Variants in UTP20 observed in about 807,000 individuals in gnomAD.
UTP20 encodes small subunit processome component 20 homolog.
A neutral mutation model predicts 329.5 loss-of-function variants in UTP20; 164 were observed. The ratio of observed to expected loss-of-function variants is 0.50; its 90% CI spans 0.44 to 0.57. The LOEUF (loss-of-function observed/expected upper bound fraction) is 0.57, where lower values mean the gene tolerates loss of function less well. Ranked by LOEUF, UTP20 falls within the 20% of genes least tolerant of loss-of-function variation. The pLI, the probability that UTP20 is intolerant of heterozygous loss-of-function variation, is 0.00. For missense variants in UTP20, 3,055 were observed against 3,284.2 expected (o/e 0.93, Z 1.71); for synonymous variants, 1,151 against 1,159.3 (o/e 0.99, Z 0.14).
In UTP20 at chr12:101,342,692, A is replaced by G. The variant is rs1869181246; in HGVS notation, c.4246-95A>G. On this transcript the variant is annotated intron_variant, in intron 33 of 61. Coordinates refer to ENST00000261637, the MANE Select transcript of UTP20 (RefSeq NM_014503.3). Reference sequence around the variant, plus strand: ...TTCTTCATGCCAGGGTGATGTTTTTATATGAATTTGAATGGGGACAGGTAG... The same window carrying G: ...TTCTTCATGCCAGGGTGATGTTTTTGTATGAATTTGAATGGGGACAGGTAG... 11 of 1,532,600 alleles carry G rather than the reference A, an allele frequency of 7.2e-6. No homozygotes were observed. The South Asian group carries it at 1.2e-4, about 17-fold the overall frequency. 94.9% of individuals were successfully genotyped at this position (1,532,600 alleles called of 1,614,324 possible). A position where few individuals can be genotyped will look rare whatever the true frequency, so the allele number is the denominator to read the frequency against.
intron 14 of UTP20, among the ~76,000 whole-genome samples, chr12:101,300,277 A>G (rs539550501): frequency 6.6e-6 from 1 of 152,292 alleles, no homozygotes; most frequent in East Asian, 1.9e-4. Flanking sequence ...AAGGAAGGGG[A>G]CATATCAAAA....
chr12:101,371,596 C>T lies in UTP20; in HGVS notation c.6798+428C>T, dbSNP rs142086198. Among the ~76,000 whole-genome samples the T allele has an allele frequency of 2.1e-3, 280 of 135,722 alleles. 4 individuals are homozygous for T. The East Asian group carries it at 0.049, about 24-fold the overall frequency. 89.0% of individuals were successfully genotyped at this position (135,722 alleles called of 152,430 possible). On this transcript the variant is annotated intron_variant, in intron 51 of 61. Transcript: ENST00000261637. ...ACCAGGCTGGAGTGGTGCAGTGGCG[C>T]GATCTCGGCTCACTGCCACCTCCAC... is the stretch of plus-strand genomic sequence containing the variant.
chr12:101,290,786 A>T lies in UTP20; in HGVS notation c.789A>T (p.Gln263His), dbSNP rs1258645092. ...KLGPVTETET[Q>H]LPWMLIGETL... ...GACCAGTCACTGAAACAGAAACTCAACTACCATGGATGTTAATTGGAGAAA... is the reference window on the plus strand; with the variant it reads ...GACCAGTCACTGAAACAGAAACTCATCTACCATGGATGTTAATTGGAGAAA... The change falls in exon 8 of 62, where the codon CAA (glutamine) becomes CAT (histidine). Residue 263 changes from glutamine (Q) to histidine (H), a missense_variant. This residue lies in a region of UTP20 where 2,445 missense variants were observed against 2,575.5 expected (regional missense o/e 0.95). Coordinates refer to ENST00000261637, the MANE Select transcript of UTP20 (RefSeq NM_014503.3). 4.3e-6 allele frequency: 7 copies of T among 1,613,826 alleles called. No individual in the cohort carries two copies. The highest frequency in any genetic ancestry group is 2.7e-5 in the African/African-American group (2 of 74,938).
intron 21 of UTP20, among the ~76,000 whole-genome samples, chr12:101,315,225 C>T (rs1872935312): frequency 6.6e-6 from 1 of 152,098 alleles, no homozygotes. Context: ...GTGGCTCACA[C>T]CTGTAATCCC....
chr12:101,312,819 C>T (rs1245266357), intron 21 of UTP20, among the ~76,000 whole-genome samples: 2 of 152,224 alleles, frequency 1.3e-5, no homozygotes, highest in African/African-American at 4.8e-5. Context: ...CAGATAACAA[C>T]TAAACTAGTT....
chr12:101,376,406 T>C (rs1257637956), intron 56 of UTP20, among the ~76,000 whole-genome samples: 2 of 152,200 alleles, frequency 1.3e-5, no homozygotes, highest in South Asian at 4.1e-4. Flanking sequence ...TTGAACTTCA[T>C]AACAGTATAC....
At chr12:101,317,366 C>G (rs761569625) in intron 21 of UTP20, 112 bp from the exon 22 acceptor site, 1 of 1,176,740 alleles carries the variant, frequency 8.5e-7, no homozygotes, top group Non-Finnish European at 1.2e-6. Context: ...ACCACTATGT[C>G]TCTTCAGTGT....
chr12:101,308,173 C>A lies in UTP20; in HGVS notation c.1996-12C>A. 1 of 1,586,146 alleles carries A rather than the reference C, an allele frequency of 6.3e-7. No individual in the cohort carries two copies. The highest frequency in any genetic ancestry group is 8.6e-7 in the Non-Finnish European group (1 of 1,168,526). On this transcript the variant is annotated splice_polypyrimidine_tract_variant and intron_variant, in intron 17 of 61. Coordinates refer to ENST00000261637, the MANE Select transcript of UTP20 (RefSeq NM_014503.3). ...TGACTGGTCTTCTCCATGGTTTTCT[C>A]TGGTTATTCAGGATGATGGGCTCTC...
At chr12:101,342,757 T>C (rs754287568) in intron 33 of UTP20, 30 bp from the exon 34 acceptor site, 4 of 1,603,018 alleles carry the variant, frequency 2.5e-6, no homozygotes, top group African/African-American at 1.3e-5. Context: ...TTTTATTCAC[T>C]GATAAATACA....
At chr12:101,319,990 C>G (rs552272474) in intron 23 of UTP20, among the ~76,000 whole-genome samples, 1 of 152,134 alleles carries the variant, frequency 6.6e-6, no homozygotes, top group East Asian at 1.9e-4. Flanking sequence ...AGTCAGACTT[C>G]ATAGAGGACT....
chr12:101,283,768 T>C (rs1871871467), intron 2 of UTP20, among the ~76,000 whole-genome samples: 1 of 152,244 alleles, frequency 6.6e-6, no homozygotes, highest in African/African-American at 2.4e-5. Context: ...TAGGCTAGTC[T>C]CAAACTCCTG....
Position 101,293,379 on chromosome 12 carries a change from G to GT in UTP20, c.1251+140dup, listed in dbSNP as rs879223465. On this transcript the variant is annotated intron_variant, in intron 11 of 61. Coordinates refer to ENST00000261637, the MANE Select transcript of UTP20 (RefSeq NM_014503.3). ...AAGTGCTTGATGTTTTAGTCAATAT[G>GT]TTTTTTAAAGAAATTATATTCAATT... The GT allele has an allele frequency of 2.3e-5, 17 of 724,662 alleles. No homozygotes were observed. In the South Asian group the frequency reaches 2.9e-4, roughly 13 times the overall value. The allele number at this position is 724,662 out of a possible 1,614,324, so 44.9% of individuals were successfully genotyped here. A position where few individuals can be genotyped will look rare whatever the true frequency, so the allele number is the denominator to read the frequency against.
Position 101,365,643 on chromosome 12 carries a change from C to A in UTP20, c.6125+18C>A, listed in dbSNP as rs1870073047. 5.8e-6 allele frequency: 9 copies of A among 1,543,552 alleles called. No individual in the cohort carries two copies. The highest frequency in any genetic ancestry group is 5.6e-5 in the African/African-American group (4 of 71,238). On this transcript the variant is annotated intron_variant, in intron 46 of 61. Transcript: ENST00000261637. ...AAAGAAAAGTAAGTTGGAAAAAAAA[C>A]AAACTGTCATTTAGGTCTCTGCGTC... is the stretch of plus-strand genomic sequence containing the variant.
intron 5 of UTP20, among the ~76,000 whole-genome samples, chr12:101,288,426 G>C (rs1028129152): frequency 2.6e-5 from 4 of 152,182 alleles, no homozygotes; most frequent in African/African-American, 9.7e-5. Context: ...ATTATCTGTA[G>C]AATGGGAGGA....
In UTP20 at chr12:101,333,321, T is replaced by C; in HGVS notation, c.3438T>C (p.Asn1146=). The C allele has an allele frequency of 1.2e-6, 2 of 1,613,754 alleles. No homozygotes were observed. Among genetic ancestry groups the C allele is most frequent in the Non-Finnish European group, 1.7e-6 (2 of 1,179,828 alleles). The change falls in exon 28 of 62, where the codon AAT becomes AAC. Residue 1146 remains asparagine (N), a synonymous_variant. Coordinates refer to ENST00000261637, the MANE Select transcript of UTP20 (RefSeq NM_014503.3). ...TACAGATACAGCTGAGATTTATTAA[T>C]CCATTGAAAAATTTAAGACGTCTTG... ...QREKIQLRFI[N]PLKNLRRLGI...
Position 101,342,990 on chromosome 12 carries a change from G to A in UTP20, c.4346G>A (p.Arg1449His), listed in dbSNP as rs1383187013. The change falls in exon 35 of 62, where the codon CGC (arginine) becomes CAC (histidine). Residue 1449 changes from arginine (R) to histidine (H), a missense_variant. Around this residue, in one of 3 missense-constraint regions of UTP20, gnomAD observed 2,445 missense variants for 2,575.5 expected, o/e 0.95. Coordinates refer to ENST00000261637, the MANE Select transcript of UTP20 (RefSeq NM_014503.3). ...CTTGATGATATCAACTTCGACGTTCGCTTTGAGACTTTCCAGACCATCACC... is the reference window on the plus strand; with the variant it reads ...CTTGATGATATCAACTTCGACGTTCACTTTGAGACTTTCCAGACCATCACC... ...RHLDDINFDV[R>H]FETFQTITSY... The A allele has an allele frequency of 5.6e-6, 9 of 1,613,608 alleles. No individual in the cohort carries two copies. Among genetic ancestry groups the A allele is most frequent in the East Asian group, 2.2e-5 (1 of 44,872 alleles).
At position 101,288,807 on chromosome 12, in the gene UTP20, G is replaced by C. The variant is rs1479556959; in HGVS notation, c.516-153G>C. Among the ~76,000 whole-genome samples the C allele has an allele frequency of 2.0e-5, 3 of 152,176 alleles. No homozygotes were observed. In the East Asian group the frequency reaches 5.8e-4, roughly 29 times the overall value. The stretch of plus-strand genomic sequence containing the variant: ...CAAGTCTTCCTTTCAACATGTGGGT[G>C]TCTCCATAAATGAATGAGATTTTAA... On this transcript the variant is annotated intron_variant, in intron 5 of 61. Transcript: ENST00000261637.
chr12:101,317,329 G>A, intron 21 of UTP20, 149 bp from the exon 22 acceptor site: 1 of 769,882 alleles, frequency 1.3e-6, no homozygotes, highest in South Asian at 2.2e-5. Context: ...TTAGGAAAGA[G>A]TAATATTGTG....
intron 10 of UTP20, among the ~76,000 whole-genome samples, chr12:101,292,921 T>G (rs1872214137): frequency 1.3e-5 from 2 of 152,246 alleles, no homozygotes. Context: ...AGGGAAGATA[T>G]ACAATCATGC....
Sources: allele counts gnomAD v4.1 joint callset (sites outside exome capture counted in the v4.1 genomes callset), GRCh38; gene constraint gnomAD v4.1.1; regional missense constraint gnomAD v4.1.1; transcripts MANE v1.5; gene names NCBI Gene and HGNC (gene_info 2026-07-23, HGNC 2026-07-21).